The following CERT1 variants were observed in gnomAD, a reference collection of about 807,000 sequenced individuals.
CERT1 encodes the protein ceramide transporter 1, also known as ceramide transfer protein.
In CERT1, 31 loss-of-function variants were observed where a neutral mutation model predicts 87.9. The observed-to-expected ratio is 0.35, with a 90% confidence interval of 0.27 to 0.48. The LOEUF (loss-of-function observed/expected upper bound fraction) is 0.48. Ranked by LOEUF, CERT1 falls within the 20% of genes least tolerant of loss-of-function variation. The pLI is 0.99. For synonymous variants in CERT1, 289 were observed against 250.9 expected (o/e 1.15, Z -1.44); for missense variants, 487 against 758.0 (o/e 0.64, Z 4.20).
chr5:75,511,076 C>T (rs772104346), intron 1 of CERT1, 36 bp downstream of exon 1: 40 of 1,503,518 alleles, frequency 2.7e-5, no homozygotes, highest in Non-Finnish European at 3.4e-5. Flanking sequence ...GCAGGTGAGT[C>T]TGGCCAGGGG....
At chr5:75,401,127 C>G (rs1234225548) in intron 9 of CERT1, 1 of 152,172 alleles carries the variant, frequency 6.6e-6, no homozygotes, top group Non-Finnish European at 1.5e-5. Flanking sequence ...TATTACCACA[C>G]TGTATCTCTG....
chr5:75,369,220 A>C (rs1400637723), intron 17 of CERT1: 1 of 152,052 alleles, frequency 6.6e-6, no homozygotes, highest in Non-Finnish European at 1.5e-5. Context: ...CCGGCTGAAA[A>C]TGTACTTTTG....
chr5:75,439,013 G>C (rs1265709682), intron 3 of CERT1, among the ~76,000 whole-genome samples: 1 of 150,086 alleles, frequency 6.7e-6, no homozygotes, highest in African/African-American at 2.4e-5. Flanking sequence ...AATATTTTTC[G>C]ATGTGAAAGC....
At chr5:75,388,919 C>A (rs188194162) in intron 12 of CERT1, among the ~76,000 whole-genome samples, 1 of 152,012 alleles carries the variant, frequency 6.6e-6, no homozygotes, top group Non-Finnish European at 1.5e-5. Flanking sequence ...GCCACTGTGC[C>A]TGGCCAATAG....
intron 3 of CERT1, among the ~76,000 whole-genome samples, chr5:75,454,194 C>T (rs1260235785): frequency 1.3e-5 from 2 of 152,150 alleles, no homozygotes; most frequent in Non-Finnish European, 2.9e-5. Context: ...TGTGGGGGTG[C>T]TGAGGGTATG....
intron 2 of CERT1, among the ~76,000 whole-genome samples, chr5:75,482,092 C>T (rs538099227): frequency 6.6e-6 from 1 of 152,266 alleles, no homozygotes; most frequent in South Asian, 2.1e-4. Context: ...TGGGATAGAG[C>T]ACCAGATGGG....
intron 2 of CERT1, among the ~76,000 whole-genome samples, chr5:75,503,585 C>T (rs1767483658): frequency 6.6e-6 from 1 of 151,764 alleles, no homozygotes; most frequent in Non-Finnish European, 1.5e-5. Context: ...AATATAAATG[C>T]TTGTGTTTTT....
At chr5:75,480,820 A>G (rs1766205351) in intron 2 of CERT1, among the ~76,000 whole-genome samples, 1 of 152,176 alleles carries the variant, frequency 6.6e-6, no homozygotes, top group South Asian at 2.1e-4. Context: ...AAATCTTGTC[A>G]GCTTTGCCTT....
At chr5:75,415,997 ATGGGAACCTTCCT>A (rs1763118539) in intron 7 of CERT1, among the ~76,000 whole-genome samples, 2 of 152,194 alleles carry the variant, frequency 1.3e-5, no homozygotes, top group Admixed American at 6.5e-5. Flanking sequence ...CTTCTAAAAC[ATGGGAACCTTCCT>A]AAACACATAG....
chr5:75,476,968 T>G (rs916971810), intron 2 of CERT1, among the ~76,000 whole-genome samples: 1 of 152,140 alleles, frequency 6.6e-6, no homozygotes, highest in African/African-American at 2.4e-5. Context: ...ATTCCCAAAT[T>G]AACAAAACCT....
intron 3 of CERT1, among the ~76,000 whole-genome samples, chr5:75,435,165 A>G (rs145352589): frequency 1.3e-5 from 2 of 152,258 alleles, no homozygotes; most frequent in East Asian, 3.9e-4. Flanking sequence ...GTCTGTCTGC[A>G]CTGATTCAAA....
At chr5:75,499,047 C>T (rs899486916) in intron 2 of CERT1, among the ~76,000 whole-genome samples, 3 of 152,168 alleles carry the variant, frequency 2.0e-5, no homozygotes, top group Admixed American at 6.5e-5. Context: ...TCATTTTGGA[C>T]CTTTAAGATT....
intron 3 of CERT1, among the ~76,000 whole-genome samples, chr5:75,441,423 A>G (rs1297193185): frequency 1.3e-5 from 2 of 152,224 alleles, no homozygotes; most frequent in East Asian, 3.8e-4. Context: ...TGTTATAAGG[A>G]TACACTACAT....
At position 75,400,253 on chromosome 5, in the gene CERT1, G is replaced by A. The variant is rs2112081981; in HGVS notation, c.1062C>T (p.Pro354=). ...CCACAGAAGAAAAGGCATCTCCAGAGGGCAAGGATGTAGGCCAATGTAATC... is the reference window on the plus strand; with the variant it reads ...CCACAGAAGAAAAGGCATCTCCAGAAGGCAAGGATGTAGGCCAATGTAATC... The part of the protein sequence containing the change: ...KVRLHWPTSL[P]SGDAFSSVGT... Residue 354 remains proline, a synonymous_variant, in exon 10 of 17, where the codon CCC becomes CCT. Transcript: ENST00000643780. 1.2e-6 allele frequency: 2 copies of A among 1,613,784 alleles called. No homozygotes were observed. Among genetic ancestry groups the A allele is most frequent in the Non-Finnish European group, 1.7e-6 (2 of 1,179,706 alleles).
At chr5:75,466,218 C>A (rs1033273472) in intron 2 of CERT1, among the ~76,000 whole-genome samples, 2 of 152,166 alleles carry the variant, frequency 1.3e-5, no homozygotes, top group African/African-American at 4.8e-5. Context: ...AAGCCAGGAA[C>A]AAGATAGAAG....
chr5:75,410,609 C>CA (rs34428665), intron 8 of CERT1: 132,543 of 135,362 alleles, frequency 0.98, 64,886 homozygotes, highest in South Asian at 0.99. Context: ...GACTCGGTCT[C>CA]AAAAAAAAAA....
intron 14 of CERT1, among the ~76,000 whole-genome samples, chr5:75,382,989 CCT>C (rs2112000916): frequency 6.6e-6 from 1 of 151,858 alleles, no homozygotes; most frequent in Non-Finnish European, 1.5e-5. Flanking sequence ...GACCAGTAGC[CCT>C]CTTTTAAGAC....
chr5:75,419,581 A>T (rs1267274269), intron 5 of CERT1, among the ~76,000 whole-genome samples, 157 bp from the exon 6 acceptor site: 1 of 152,140 alleles, frequency 6.6e-6, no homozygotes. Flanking sequence ...ATGCTCAATA[A>T]ATATCTACCT....
intron 17 of CERT1, chr5:75,370,074 A>C (rs2150365937): frequency 6.6e-6 from 1 of 152,326 alleles, no homozygotes; most frequent in Middle Eastern, 3.4e-3. Flanking sequence ...GAAAAACTGC[A>C]CAGTTAAAAG....
Sources: allele counts gnomAD v4.1 joint callset (sites outside exome capture counted in the v4.1 genomes callset), GRCh38; gene constraint gnomAD v4.1.1; transcripts MANE v1.5; gene names NCBI Gene and HGNC (gene_info 2026-07-23, HGNC 2026-07-21).